The following CAST variants were observed in gnomAD, a reference collection of about 807,000 sequenced individuals.
The protein encoded by CAST is MIR583 host.
A neutral mutation model predicts 119.6 loss-of-function variants in CAST; 76 were observed. The ratio of observed to expected loss-of-function variants is 0.64; its 90% confidence interval spans 0.53 to 0.77. CAST has a LOEUF of 0.77. CAST is among the 30% of genes least tolerant of loss of function. The probability of loss-of-function intolerance (pLI) is 0.00; values close to 1 mark genes in which losing one functional copy is unlikely to be tolerated. For missense variants in CAST, 953 were observed against 946.5 expected (o/e 1.01, Z -0.09); for synonymous variants, 319 against 331.6 (o/e 0.96, Z 0.41).
rs150856986 is a variant in CAST at position 96,746,443 on chromosome 5, G to A, written c.1284+18G>A. The A allele has an allele frequency of 3.8e-5, 54 of 1,407,582 alleles. No homozygotes were observed. In the African/African-American group the frequency reaches 7.2e-4, roughly 19 times the overall value. 87.2% of individuals were successfully genotyped at this position (1,407,582 alleles called of 1,614,324 possible). A position where few individuals can be genotyped will look rare whatever the true frequency, so the allele number is the denominator to read the frequency against. ...CAGCCACGGTAAATTTTTAGCCACA[G>A]TGCATGACAACAGCATCTTGCCTTT... On this transcript the variant is annotated intron_variant, in intron 17 of 31. Coordinates refer to ENST00000675179, the MANE Select transcript of CAST (RefSeq NM_001750.7).
At chr5:95,999,237 G>A in the CAST span, among the ~76,000 whole-genome samples, 2 of 151,996 alleles carry the variant, frequency 1.3e-5, no homozygotes, top group East Asian at 3.8e-4. Flanking sequence ...TGTGACATGT[G>A]TTTTTTTGTG....
chr5:96,371,494 A>G, the CAST span, among the ~76,000 whole-genome samples: 1 of 152,208 alleles, frequency 6.6e-6, no homozygotes, highest in Non-Finnish European at 1.5e-5. Context: ...TTCTTCTTCC[A>G]GAAACATTTA....
At chr5:96,310,239 G>T in the CAST span, among the ~76,000 whole-genome samples, 1 of 152,086 alleles carries the variant, frequency 6.6e-6, no homozygotes, top group Non-Finnish European at 1.5e-5. Context: ...ACATTTATTG[G>T]TTTGTGAGTG....
chr5:96,515,304 T>TGGGGAACAAACAA, the CAST span, among the ~76,000 whole-genome samples: 1 of 36,458 alleles, frequency 2.7e-5, no homozygotes, highest in African/African-American at 1.2e-4. Context: ...CCCACAATGT[T>TGGGGAACAAACAA]TGATTGTTTG....
At chr5:95,967,867 G>C in the CAST span, among the ~76,000 whole-genome samples, 1 of 152,174 alleles carries the variant, frequency 6.6e-6, no homozygotes, top group Non-Finnish European at 1.5e-5. Flanking sequence ...ATGGGGTTTT[G>C]AAGTTTAAAA....
chr5:96,207,527 T>G, the CAST span, among the ~76,000 whole-genome samples: 1 of 152,166 alleles, frequency 6.6e-6, no homozygotes, highest in Non-Finnish European at 1.5e-5. Context: ...CTGAATTTTA[T>G]TGACTGCCTT....
At chr5:96,483,726 T>C in the CAST span, among the ~76,000 whole-genome samples, 1 of 152,182 alleles carries the variant, frequency 6.6e-6, no homozygotes, top group Non-Finnish European at 1.5e-5. Flanking sequence ...TCAATTTGTA[T>C]CTTGACTCAT....
Position 96,684,878 on chromosome 5 carries a change from C to A in CAST, c.138+9277C>A, listed in dbSNP as rs192571686. Among the ~76,000 whole-genome samples, 843 of 152,026 alleles carry A rather than the reference C, an allele frequency of 5.5e-3. 7 individuals carry two copies. Among genetic ancestry groups the A allele is most frequent in the Non-Finnish European group, 1.0e-2 (678 of 67,958 alleles). On this transcript the variant is annotated intron_variant, in intron 2 of 31. Coordinates refer to ENST00000675179, the MANE Select transcript of CAST (RefSeq NM_001750.7). ...AGCCACCATGCCAGACCGTATGCAT[C>A]ACTATTCAATGAGCTGTTTTATCAG...
At chr5:96,666,765 A>G (rs1749388265) in intron 1 of CAST, among the ~76,000 whole-genome samples, 1 of 152,168 alleles carries the variant, frequency 6.6e-6, no homozygotes, top group Admixed American at 6.5e-5. Flanking sequence ...GGCACTTCCC[A>G]GAAGGTTAAT....
Position 96,560,346 on chromosome 5 carries a change from A to C in CAST, c.60+30466A>C, listed in dbSNP as rs536353538. ...AAAAGCAATGGCAACAAAAGCCAAA[A>C]TTGACAAATGGGATCTAATTAAACT... is the stretch of plus-strand genomic sequence containing the variant. On this transcript the variant is annotated intron_variant, in intron 1 of 11. Coordinates refer to the CAST transcript ENST00000505143. Among the ~76,000 whole-genome samples, 518 of 152,194 alleles carry C rather than the reference A, an allele frequency of 3.4e-3. 7 individuals carry two copies. The highest frequency in any genetic ancestry group is 0.012 in the African/African-American group (481 of 41,560).
At chr5:96,705,038 G>T (rs1754654051) in intron 3 of CAST, among the ~76,000 whole-genome samples, 1 of 152,126 alleles carries the variant, frequency 6.6e-6, no homozygotes, top group Non-Finnish European at 1.5e-5. Context: ...TATTAAAAAG[G>T]GCTAGGGACG....
At chr5:96,400,408 C>A in the CAST span, among the ~76,000 whole-genome samples, 1 of 152,224 alleles carries the variant, frequency 6.6e-6, no homozygotes, top group African/African-American at 2.4e-5. Flanking sequence ...TGACTTCTCT[C>A]CAGAGCATAT....
the CAST span, among the ~76,000 whole-genome samples, chr5:96,456,917 T>C: frequency 1.2e-4 from 19 of 152,238 alleles, no homozygotes; most frequent in African/African-American, 4.3e-4. Flanking sequence ...TGCTTGGCAT[T>C]TCTCCTTCCT....
At chr5:96,267,354 A>G in the CAST span, among the ~76,000 whole-genome samples, 1 of 152,212 alleles carries the variant, frequency 6.6e-6, no homozygotes, top group South Asian at 2.1e-4. Flanking sequence ...TTTGACCCAA[A>G]TAAGACTGCC....
chr5:96,263,312 G>A, the CAST span, among the ~76,000 whole-genome samples: 4 of 152,052 alleles, frequency 2.6e-5, no homozygotes, highest in Non-Finnish European at 5.9e-5. Context: ...GGAGAAGGGT[G>A]GGGGTTGTGG....
chr5:96,205,953 T>A, the CAST span, among the ~76,000 whole-genome samples: 1 of 152,064 alleles, frequency 6.6e-6, no homozygotes, highest in Admixed American at 6.6e-5. Flanking sequence ...AGTGCTCCCT[T>A]TTCTCTGCAG....
the CAST span, among the ~76,000 whole-genome samples, chr5:96,267,638 TCACCAC>T: frequency 6.6e-6 from 1 of 152,040 alleles, no homozygotes; most frequent in Non-Finnish European, 1.5e-5. Context: ...CTGAGAGAAT[TCACCAC>T]CACCAGACCT....
In CAST at chr5:96,754,128, A is replaced by C. The variant is rs767833475; in HGVS notation, c.1593A>C (p.Pro531=). ...ADSLGKKEAD[P]EDGKPVMDKV... The stretch of plus-strand genomic sequence containing the variant: ...GCCTGGGGAAAAAGGAAGCAGATCC[A>C]GAAGATGGAAAACCTGTGATGGATA... Residue 531 remains proline (P), a synonymous_variant, in exon 21 of 32, where the codon CCA becomes CCC. Coordinates refer to ENST00000675179, the MANE Select transcript of CAST (RefSeq NM_001750.7). The C allele has an allele frequency of 2.9e-5, 47 of 1,613,254 alleles. No homozygotes were observed. The African/African-American group carries it at 6.1e-4, about 21-fold the overall frequency.
the CAST span, among the ~76,000 whole-genome samples, chr5:96,320,978 T>A: frequency 6.6e-6 from 1 of 152,204 alleles, no homozygotes; most frequent in East Asian, 1.9e-4. Flanking sequence ...GTCAGATGAG[T>A]TCCTACAAAA....
Sources: allele counts gnomAD v4.1 joint callset (sites outside exome capture counted in the v4.1 genomes callset), GRCh38; gene constraint gnomAD v4.1.1; transcripts MANE v1.5; gene names NCBI Gene and HGNC (gene_info 2026-07-23, HGNC 2026-07-21).